Variants in SEPTIN9 observed in about 807,000 individuals in gnomAD.
SEPTIN9 encodes the protein septin-9.
A neutral mutation model predicts 56.6 loss-of-function variants in SEPTIN9; 13 were observed. That is an observed-to-expected ratio of 0.23 (90% CI 0.15 to 0.37). SEPTIN9 has a LOEUF of 0.37. Among genes scored for constraint, SEPTIN9 ranks in the 10% least tolerant of loss-of-function variants. The pLI, the probability that SEPTIN9 is intolerant of heterozygous loss-of-function variation, is 1.00. For missense variants in SEPTIN9, 650 were observed against 823.1 expected (o/e 0.79, Z 2.57); for synonymous variants, 332 against 334.1 (o/e 0.99, Z 0.07).
rs528586959 is a variant in SEPTIN9, at chr17:77,425,027, G to A, written c.721+22324G>A. 6.6e-6 allele frequency among the ~76,000 whole-genome samples: 1 copy of A among 152,208 alleles called. No homozygotes were observed. ...GACTTACGCATAGTTGGGCGAAGTC[G>A]AGTGACCACATGTGGAAGTCTAGCG... On this transcript the variant is annotated intron_variant, in intron 3 of 11. Transcript: ENST00000427177. This position sits in a 1 kb window ranked among gnomAD's most constrained non-coding sequence, Gnocchi z 4.2.
chr17:77,413,027 G>A (rs745666803), intron 3 of SEPTIN9, among the ~76,000 whole-genome samples: 4 of 152,014 alleles, frequency 2.6e-5, no homozygotes, highest in African/African-American at 9.7e-5. Context: ...CAGCAGCGAG[G>A]TAGGGGTAGA....
In SEPTIN9 at chr17:77,498,709, C is replaced by CG. The variant is rs1272732429; in HGVS notation, c.*51_*52insG. 10 of 1,167,346 alleles carry CG rather than the reference C, an allele frequency of 8.6e-6. No homozygotes were observed. Among genetic ancestry groups the CG allele is most frequent in the African/African-American group, 1.5e-5 (1 of 65,716 alleles). The allele number at this position is 1,167,346 out of a possible 1,614,324, so 72.3% of individuals were successfully genotyped here. A position where few individuals can be genotyped will look rare whatever the true frequency, so the allele number is the denominator to read the frequency against. ...CCTGCCCCCAAGTCATTTCCGTCCC[C>CG]CCCCAGGCCCTCCCACCACCCCATT... is the stretch of plus-strand genomic sequence containing the variant. On this transcript the variant is annotated 3_prime_UTR_variant, in exon 12 of 12. Transcript: ENST00000427177.
At chr17:77,443,048 G>A (rs2037608119) in intron 3 of SEPTIN9, among the ~76,000 whole-genome samples, 1 of 152,024 alleles carries the variant, frequency 6.6e-6, no homozygotes, top group Non-Finnish European at 1.5e-5. Context: ...TGCTCCCAGG[G>A]AGCAGATTTG....
chr17:77,292,659 A>G (rs992486147), intron 1 of SEPTIN9, among the ~76,000 whole-genome samples: 3 of 151,856 alleles, frequency 2.0e-5, no homozygotes, highest in African/African-American at 7.3e-5. Context: ...ATGCCTGGCC[A>G]ATTTTGGTAT....
intron 3 of SEPTIN9, among the ~76,000 whole-genome samples, chr17:77,462,993 A>G (rs770613321): frequency 2.6e-5 from 4 of 152,160 alleles, no homozygotes; most frequent in Non-Finnish European, 5.9e-5. Flanking sequence ...AAGTCGTGGG[A>G]AACTGTGACA....
Position 77,402,432 on chromosome 17 carries a change from G to A in SEPTIN9, c.450G>A (p.Thr150=), listed in dbSNP as rs778713623. Reference sequence around the variant, plus strand: ...CGCCAGAACCGGCCCCTCGGAGGACGGAGATCACCATCGTCAAACCCCAGG... The same window carrying A: ...CGCCAGAACCGGCCCCTCGGAGGACAGAGATCACCATCGTCAAACCCCAGG... ...HKTPEPAPRR[T]EITIVKPQES... is the part of the protein sequence containing the mutation. The change falls in exon 3 of 12, where the codon ACG becomes ACA. Residue 150 remains threonine, a synonymous_variant. Transcript: ENST00000427177. The surrounding 1 kb of genome is among the most constrained non-coding windows in gnomAD (Gnocchi z 6.6). 22 of 1,610,654 alleles carry A rather than the reference G, an allele frequency of 1.4e-5. No individual in the cohort carries two copies. The highest frequency in any genetic ancestry group is 8.9e-5 in the East Asian group (4 of 44,784).
chr17:77,461,617 G>A (rs1380599502), intron 3 of SEPTIN9, among the ~76,000 whole-genome samples: 6 of 152,232 alleles, frequency 3.9e-5, no homozygotes, highest in Non-Finnish European at 7.3e-5. Context: ...ATACTGTGAC[G>A]TTGACCTTTT....
intron 3 of SEPTIN9, among the ~76,000 whole-genome samples, chr17:77,413,760 C>A (rs539678125): frequency 6.6e-6 from 1 of 152,078 alleles, no homozygotes. Context: ...TTTGGAGTTG[C>A]CCAGAGAGCA....
chr17:77,320,679 CT>C (rs1018044450), intron 2 of SEPTIN9, among the ~76,000 whole-genome samples: 2 of 152,216 alleles, frequency 1.3e-5, no homozygotes, highest in African/African-American at 4.8e-5. Context: ...ACCTGCCCCC[CT>C]GGCTCGGGTC....
chr17:77,358,190 C>T (rs2034313139), intron 2 of SEPTIN9, among the ~76,000 whole-genome samples: 1 of 152,190 alleles, frequency 6.6e-6, no homozygotes, highest in Non-Finnish European at 1.5e-5. Context: ...GACACAGAGC[C>T]CAGGCCTCAG....
chr17:77,321,257 T>C (rs921780100), intron 2 of SEPTIN9, among the ~76,000 whole-genome samples: 2 of 152,036 alleles, frequency 1.3e-5, no homozygotes, highest in South Asian at 4.1e-4. Flanking sequence ...TGTCAACCCC[T>C]ACGTGCCTTG....
intron 1 of SEPTIN9, among the ~76,000 whole-genome samples, chr17:77,292,192 G>C (rs1027568247): frequency 6.6e-6 from 1 of 152,142 alleles, no homozygotes; most frequent in African/African-American, 2.4e-5. Flanking sequence ...CATTACTTGT[G>C]CAACAGTTTC....
At chr17:77,362,968 G>T (rs1038178689) in intron 2 of SEPTIN9, among the ~76,000 whole-genome samples, 1 of 152,242 alleles carries the variant, frequency 6.6e-6, no homozygotes, top group Non-Finnish European at 1.5e-5. Context: ...AGGCACAGAG[G>T]TCTGGCACCT....
intron 2 of SEPTIN9, among the ~76,000 whole-genome samples, chr17:77,384,595 G>A (rs955385351): frequency 7.9e-5 from 12 of 151,966 alleles, no homozygotes; most frequent in Admixed American, 2.6e-4. Context: ...GAAACACTCC[G>A]GGGTGCCCAG....
At position 77,500,066 on chromosome 17, in the gene SEPTIN9, G is replaced by C; in HGVS notation, c.*1408G>C. On this transcript the variant is annotated 3_prime_UTR_variant, in exon 12 of 12. Transcript: ENST00000427177. ...TGTCTTGCTCCTGGGGAGAAAGAGGGGCCTGATGAGACTCCACTCAGGTGC... is the reference window on the plus strand; with the variant it reads ...TGTCTTGCTCCTGGGGAGAAAGAGGCGCCTGATGAGACTCCACTCAGGTGC... 1 of 234,714 alleles carries C rather than the reference G, an allele frequency of 4.3e-6. No individual in the cohort carries two copies. The highest frequency in any genetic ancestry group is 8.4e-6 in the Non-Finnish European group (1 of 119,230). The allele number at this position is 234,714 out of a possible 1,614,324, so 14.5% of individuals were successfully genotyped here.
At chr17:77,442,475 G>C (rs2037581686) in intron 3 of SEPTIN9, among the ~76,000 whole-genome samples, 1 of 141,844 alleles carries the variant, frequency 7.1e-6, no homozygotes, top group Non-Finnish European at 1.5e-5. Flanking sequence ...GGGATTACAG[G>C]CATGAGCCAC....
chr17:77,491,616 CA>C (rs2143398726), intron 8 of SEPTIN9, among the ~76,000 whole-genome samples: 1 of 151,490 alleles, frequency 6.6e-6, no homozygotes, highest in South Asian at 2.1e-4. Flanking sequence ...AGTTTGAGGC[CA>C]ACATGATGAA....
intron 3 of SEPTIN9, among the ~76,000 whole-genome samples, chr17:77,415,360 A>G (rs2036462705): frequency 6.6e-6 from 1 of 152,040 alleles, no homozygotes; most frequent in Non-Finnish European, 1.5e-5. Context: ...TAATCCCAGC[A>G]CTTTGGGAAG....
chr17:77,362,890 C>T (rs1353693464), intron 2 of SEPTIN9, among the ~76,000 whole-genome samples: 1 of 152,202 alleles, frequency 6.6e-6, no homozygotes, highest in Non-Finnish European at 1.5e-5. Flanking sequence ...GACCTGAAGA[C>T]AGATCAGGCC....
Sources: allele counts gnomAD v4.1 joint callset (sites outside exome capture counted in the v4.1 genomes callset), GRCh38; gene constraint gnomAD v4.1.1; non-coding constraint Gnocchi (gnomAD v3.1); transcripts MANE v1.5; gene names NCBI Gene and HGNC (gene_info 2026-07-23, HGNC 2026-07-21).